The following FAT4 variants were observed in gnomAD, a reference collection of about 807,000 sequenced individuals.
The protein encoded by FAT4 is protocadherin Fat 4.
A neutral mutation model predicts 303.9 loss-of-function variants in FAT4; 84 were observed. The observed-to-expected ratio is 0.28, with a 90% CI of 0.23 to 0.33. The LOEUF (loss-of-function observed/expected upper bound fraction) is 0.33, where lower values mean the gene tolerates loss of function less well. Ranked by LOEUF, FAT4 falls within the 10% of genes least tolerant of loss-of-function variation. FAT4 has a pLI of 1.00. For synonymous variants in FAT4, 2,307 were observed against 2,298.8 expected, an observed-to-expected ratio of 1.00 and a Z score of -0.10; for missense variants, 6,005 against 6,146.8, an observed-to-expected ratio of 0.98 and a Z score of 0.77.
chr4:125,394,147 C>T (rs150376315), intron 2 of FAT4: 37 of 525,102 alleles, frequency 7.0e-5, no homozygotes, highest in East Asian at 5.6e-4. Flanking sequence ...CTTATCTTAA[C>T]GGGATCATGA....
In FAT4 at chr4:125,408,579, G is replaced by T. The variant is rs367572465; in HGVS notation, c.5705G>T (p.Arg1902Leu). Residue 1902 changes from arginine to leucine, a missense_variant, in exon 5 of 18, where the codon CGA (arginine) becomes CTA (leucine). Physicochemically the swap from Arg to Leu is moderately radical, Grantham distance 102. Coordinates refer to ENST00000394329, the MANE Select transcript of FAT4 (RefSeq NM_001291303.3). Reference protein sequence around the residue: ...NPITGVFNLTRLLDYEVQQYY... With the variant: ...NPITGVFNLTLLLDYEVQQYY... ...ATTACTGGGGTCTTTAATTTGACTC[G>T]ATTATTAGATTATGAAGTACAGCAA... The T allele has an allele frequency of 6.2e-7, 1 of 1,612,610 alleles. No homozygotes were observed. The highest frequency in any genetic ancestry group is 1.1e-5 in the South Asian group (1 of 91,042).
chr4:125,316,958 G>A lies in FAT4; in HGVS notation c.547G>A (p.Gly183Arg), dbSNP rs1357329656. Residue 183 changes from glycine to arginine, a missense_variant, in exon 2 of 18, where the codon GGG (glycine) becomes AGG (arginine). Physicochemically the swap from Gly to Arg is moderately radical, Grantham distance 125. Transcript: ENST00000394329. The surrounding 1 kb of genome is among the most constrained non-coding windows in gnomAD (Gnocchi z 5.7). ...SYRIIRGNEAGRFRLDITLNP... is the reference protein window; with the variant it reads ...SYRIIRGNEARRFRLDITLNP... ...CCGCATCATCCGCGGCAATGAGGCG[G>A]GGCGCTTCCGTCTGGACATCACCCT... The A allele has an allele frequency of 6.2e-7, 1 of 1,613,926 alleles. No homozygotes were observed.
chr4:125,382,048 C>G (rs1344918674), intron 2 of FAT4, among the ~76,000 whole-genome samples: 1 of 152,170 alleles, frequency 6.6e-6, no homozygotes, highest in African/African-American at 2.4e-5. Flanking sequence ...AGTTTTCTTG[C>G]TATGTCTACC....
intron 2 of FAT4, among the ~76,000 whole-genome samples, chr4:125,369,413 G>A (rs953242074): frequency 1.3e-5 from 2 of 152,020 alleles, no homozygotes; most frequent in African/African-American, 2.4e-5. Flanking sequence ...TCCTGCCTGG[G>A]TGATACAGTG....
At chr4:125,480,720 A>G (rs909251633) in intron 15 of FAT4, among the ~76,000 whole-genome samples, 3 of 152,116 alleles carry the variant, frequency 2.0e-5, no homozygotes, top group Admixed American at 6.5e-5. Context: ...GAAAATATAT[A>G]CTGTCATGTG....
chr4:125,454,998 T>C (rs1726229102), intron 10 of FAT4, among the ~76,000 whole-genome samples: 1 of 152,140 alleles, frequency 6.6e-6, no homozygotes, highest in Admixed American at 6.5e-5. Context: ...ACTGTGAGTC[T>C]TATGAGAGTT....
At chr4:125,433,774 A>G (rs1049036324) in intron 7 of FAT4, among the ~76,000 whole-genome samples, 1 of 152,188 alleles carries the variant, frequency 6.6e-6, no homozygotes, top group Non-Finnish European at 1.5e-5. Flanking sequence ...GGATTTAAAT[A>G]CCTCAGAGAC....
intron 8 of FAT4, among the ~76,000 whole-genome samples, chr4:125,437,736 T>G (rs1187675130): frequency 6.6e-6 from 1 of 152,160 alleles, no homozygotes; most frequent in Admixed American, 6.5e-5. Context: ...CAATCCAAAG[T>G]CTTTAGCTTA....
rs1730877802 is a variant in FAT4 at position 125,320,261 on chromosome 4, G to A, written c.3850G>A (p.Val1284Ile). Residue 1284 changes from valine to isoleucine, a missense_variant, in exon 2 of 18, where the codon GTA (valine) becomes ATA (isoleucine). Transcript: ENST00000394329. The stretch of plus-strand genomic sequence containing the variant: ...TGAAGCAACACCTGCCTATTCCCTT[G>A]TAATTCAAGCAGTGGATTCAGGGAC... ...DYEATPAYSLVIQAVDSGTIP... is the reference protein window; with the variant it reads ...DYEATPAYSLIIQAVDSGTIP... The A allele has an allele frequency of 6.2e-7, 1 of 1,614,138 alleles. No individual in the cohort carries two copies. Among genetic ancestry groups the A allele is most frequent in the Non-Finnish European group, 8.5e-7 (1 of 1,180,006 alleles).
intron 10 of FAT4, among the ~76,000 whole-genome samples, chr4:125,462,108 ATGT>A (rs1726503141): frequency 6.6e-6 from 1 of 151,956 alleles, no homozygotes. Flanking sequence ...AAGGGAAAAA[ATGT>A]TGTGTTTATG....
chr4:125,322,124 A>G (rs947548430), intron 2 of FAT4, among the ~76,000 whole-genome samples: 1 of 152,174 alleles, frequency 6.6e-6, no homozygotes, highest in African/African-American at 2.4e-5. Flanking sequence ...GACTAATTTT[A>G]ATGTGCTGAG....
intron 3 of FAT4, among the ~76,000 whole-genome samples, chr4:125,404,697 GATGT>G (rs1363704194): frequency 6.6e-6 from 1 of 152,098 alleles, no homozygotes; most frequent in East Asian, 1.9e-4. Flanking sequence ...CATAAGTGAA[GATGT>G]ATACCCATGG....
chr4:125,434,830 C>T (rs1274436680), intron 8 of FAT4, among the ~76,000 whole-genome samples: 1 of 152,148 alleles, frequency 6.6e-6, no homozygotes, highest in Non-Finnish European at 1.5e-5. Context: ...TTGGCCCCCT[C>T]TGTCCTCAAG....
At chr4:125,440,606 T>TGAGAGAGAGAGAGAGAGA (rs777627667) in intron 8 of FAT4, among the ~76,000 whole-genome samples, 75 of 29,716 alleles carry the variant, frequency 2.5e-3, no homozygotes, top group Middle Eastern at 0.031. Context: ...TGTGTGTGTG[T>TGAGAGAGAGAGAGAGAGA]GTGTGAGAGA....
intron 2 of FAT4, among the ~76,000 whole-genome samples, chr4:125,337,312 T>C (rs1401827399): frequency 6.6e-6 from 1 of 152,058 alleles, no homozygotes; most frequent in Non-Finnish European, 1.5e-5. Flanking sequence ...CAATGAATCA[T>C]ATTAAATTAA....
chr4:125,345,372 G>A (rs1007821422), intron 2 of FAT4, among the ~76,000 whole-genome samples: 4 of 151,382 alleles, frequency 2.6e-5, no homozygotes, highest in Non-Finnish European at 5.9e-5. Context: ...TGACACTAGT[G>A]AGCTTCAGGT....
chr4:125,440,894 A>G (rs1311369126), intron 8 of FAT4, among the ~76,000 whole-genome samples: 1 of 152,064 alleles, frequency 6.6e-6, no homozygotes, highest in Non-Finnish European at 1.5e-5. Context: ...CCTTGCAGCT[A>G]AGGGTCATCC....
chr4:125,408,582 T>G lies in FAT4; in HGVS notation c.5708T>G (p.Leu1903Ter), dbSNP rs777160179. Reference sequence around the variant, plus strand: ...ACTGGGGTCTTTAATTTGACTCGATTATTAGATTATGAAGTACAGCAATAT... The same window carrying G: ...ACTGGGGTCTTTAATTTGACTCGATGATTAGATTATGAAGTACAGCAATAT... ...PITGVFNLTR[L>*]LDYEVQQYYI... Residue 1903 changes from leucine (L) to a stop codon, truncating the protein, a stop_gained, in exon 5 of 18, where the codon TTA becomes TGA. Transcript: ENST00000394329. LOFTEE classifies it high-confidence loss of function. 1 of 1,612,882 alleles carries G rather than the reference T, an allele frequency of 6.2e-7. No individual in the cohort carries two copies. The highest frequency in any genetic ancestry group is 1.7e-5 in the Admixed American group (1 of 59,936).
chr4:125,322,789 T>C (rs1410874617), intron 2 of FAT4, among the ~76,000 whole-genome samples: 1 of 151,782 alleles, frequency 6.6e-6, no homozygotes, highest in Non-Finnish European at 1.5e-5. Context: ...GTTATGTCTA[T>C]CTATGGATGG....
Sources: gnomAD v4.1 joint callset for allele counts (sites outside exome capture counted in the v4.1 genomes callset) on GRCh38, gnomAD v4.1.1 for gene constraint, Gnocchi (gnomAD v3.1) non-coding constraint, MANE v1.5 for transcripts, NCBI Gene and HGNC (gene_info 2026-07-23, HGNC 2026-07-21) for gene names.